The following DHRS7B variants were observed in gnomAD, a reference collection of about 807,000 sequenced individuals.
DHRS7B encodes the protein peroxisomal reductase activating PPAR-gamma.
Under a neutral mutation model 26.4 loss-of-function variants are expected in DHRS7B, and 24 were observed. The observed-to-expected ratio is 0.91, with a 90% confidence interval of 0.66 to 1.28. DHRS7B has a LOEUF of 1.28. Among genes scored for constraint, DHRS7B ranks in the 50% most tolerant of loss-of-function variants. The pLI, the probability that DHRS7B is intolerant of heterozygous loss-of-function variation, is 0.00. For missense variants in DHRS7B, 368 were observed against 419.4 expected, an observed-to-expected ratio of 0.88 and a Z score of 1.07; for synonymous variants, 142 against 166.4, an observed-to-expected ratio of 0.85 and a Z score of 1.13.
chr17:21,180,439 A>G (rs1371571936), intron 3 of DHRS7B, among the ~76,000 whole-genome samples: 1 of 152,162 alleles, frequency 6.6e-6, no homozygotes, highest in East Asian at 1.9e-4. Context: ...TATACATGGT[A>G]TTAGGTAAGA....
At chr17:21,132,489 C>G (rs1488470419) in intron 1 of DHRS7B, among the ~76,000 whole-genome samples, 1 of 144,834 alleles carries the variant, frequency 6.9e-6, no homozygotes, top group Non-Finnish European at 1.5e-5. Context: ...TATGATCACA[C>G]CACTGCACCC....
chr17:21,132,539 AAAAAAAAAAAC>A lies in DHRS7B; in HGVS notation c.20+5561_20+5571del, dbSNP rs1303209744. ...GAGGGAGACCTTGTCTCAAAAAAAA[AAAAAAAAAAAC>A]AAAAAAAAAACAGGGAAGTGAGGTG... is the stretch of plus-strand genomic sequence containing the variant. On this transcript the variant is annotated intron_variant, in intron 1 of 6. Transcript: ENST00000395511. 5.8e-3 allele frequency among the ~76,000 whole-genome samples: 857 copies of A among 148,898 alleles called. 12 individuals carry two copies. The highest frequency in any genetic ancestry group is 0.02 in the African/African-American group (821 of 40,136).
chr17:21,178,341 A>G lies in DHRS7B; in HGVS notation c.308A>G (p.Lys103Arg). 1 of 1,613,402 alleles carries G rather than the reference A, an allele frequency of 6.2e-7. No individual in the cohort carries two copies. Among genetic ancestry groups the G allele is most frequent in the Non-Finnish European group, 8.5e-7 (1 of 1,179,662 alleles). Residue 103 changes from lysine (K) to arginine (R), a missense_variant and splice_region_variant, in exon 3 of 7, where the codon AAG becomes AGG. Lys to Arg is a conservative substitution (Grantham distance 26). Coordinates refer to ENST00000395511, the MANE Select transcript of DHRS7B (RefSeq NM_015510.5). ...IRELTASHAT[K>R]VQTHKPYLVT... The stretch of plus-strand genomic sequence containing the variant: ...GAACTCACCGCTTCTCATGCCACCA[A>G]GGTGAGCCAGGGGCGTGCTTTCCAT...
chr17:21,185,919 C>T (rs1425908792), intron 5 of DHRS7B, among the ~76,000 whole-genome samples: 2 of 152,198 alleles, frequency 1.3e-5, no homozygotes, highest in Non-Finnish European at 2.9e-5. Flanking sequence ...AACTCCTGAC[C>T]TCAAGTGATC....
chr17:21,159,539 G>T (rs1344108574), intron 1 of DHRS7B, among the ~76,000 whole-genome samples: 1 of 151,840 alleles, frequency 6.6e-6, no homozygotes, highest in Non-Finnish European at 1.5e-5. Flanking sequence ...ACAGGCGTGA[G>T]CCACCGCACC....
At chr17:21,154,411 A>G (rs1463346824) in intron 1 of DHRS7B, among the ~76,000 whole-genome samples, 2 of 152,202 alleles carry the variant, frequency 1.3e-5, no homozygotes, top group African/African-American at 4.8e-5. Flanking sequence ...AAAACCCACC[A>G]ACCTGGAATT....
chr17:21,137,022 G>A (rs1265672851), intron 1 of DHRS7B, among the ~76,000 whole-genome samples: 1 of 149,846 alleles, frequency 6.7e-6, no homozygotes, highest in Non-Finnish European at 1.5e-5. Flanking sequence ...CCAGGCTGGA[G>A]TGCGGTGGTG....
chr17:21,181,487 G>T (rs1974513400), intron 3 of DHRS7B, among the ~76,000 whole-genome samples: 1 of 152,152 alleles, frequency 6.6e-6, no homozygotes, highest in Non-Finnish European at 1.5e-5. Context: ...GTCTGGCAGG[G>T]GCCTTCTTGC....
intron 2 of DHRS7B, among the ~76,000 whole-genome samples, chr17:21,175,442 G>A (rs553879280): frequency 4.4e-4 from 67 of 152,302 alleles, no homozygotes; most frequent in Admixed American, 2.0e-4. Context: ...GATGGAATTA[G>A]CCTGCAAAGG....
intron 1 of DHRS7B, among the ~76,000 whole-genome samples, chr17:21,140,126 G>A (rs528947068): frequency 2.7e-5 from 4 of 148,498 alleles, no homozygotes; most frequent in East Asian, 4.0e-4. Context: ...CTGGGTTCAC[G>A]CCATTCTCTT....
In DHRS7B at chr17:21,179,927, C is replaced by T. The variant is rs148525273; in HGVS notation, c.309+1585C>T. ...GATGACTGGCATGCGCCACCACGCC[C>T]GGCTAATTTTGTATTTTTAGTAGAG... On this transcript the variant is annotated intron_variant, in intron 3 of 6. Transcript: ENST00000395511. Among the ~76,000 whole-genome samples, 218 of 149,572 alleles carry T rather than the reference C, an allele frequency of 1.5e-3. 6 individuals carry two copies. In the East Asian group the frequency reaches 0.032, roughly 22 times the overall value.
chr17:21,141,640 A>AAAAGAAAAAAAAAAAAAAG, intron 1 of DHRS7B, among the ~76,000 whole-genome samples: 1 of 90,078 alleles, frequency 1.1e-5, no homozygotes, highest in Non-Finnish European at 2.1e-5. Flanking sequence ...AAAAAAAAAA[A>AAAAGAAAAAAAAAAAAAAG]CAACCTCATC....
At chr17:21,180,604 T>C (rs1450925652) in intron 3 of DHRS7B, among the ~76,000 whole-genome samples, 13 of 152,158 alleles carry the variant, frequency 8.5e-5, no homozygotes, top group Non-Finnish European at 1.6e-4. Context: ...TCAGTTGGTC[T>C]ATATGTCTGT....
intron 1 of DHRS7B, among the ~76,000 whole-genome samples, chr17:21,161,112 A>G (rs1014128810): frequency 1.3e-5 from 2 of 152,216 alleles, no homozygotes; most frequent in East Asian, 3.8e-4. Context: ...TCTGTATGAA[A>G]CTACAATGAT....
chr17:21,138,995 GC>G (rs926111523), intron 1 of DHRS7B, among the ~76,000 whole-genome samples: 5 of 152,100 alleles, frequency 3.3e-5, no homozygotes, highest in African/African-American at 1.2e-4. Context: ...AACCACCATT[GC>G]AAAATTGTAA....
rs1454078926 is a variant in DHRS7B, at chr17:21,188,815, A to G, written c.724A>G (p.Thr242Ala). The G allele has an allele frequency of 1.2e-6, 2 of 1,614,148 alleles. No individual in the cohort carries two copies. Among genetic ancestry groups the G allele is most frequent in the East Asian group, 2.2e-5 (1 of 44,882 alleles). The change falls in exon 6 of 7, where the codon ACC becomes GCC. Residue 242 changes from threonine to alanine, a missense_variant. Coordinates refer to ENST00000395511, the MANE Select transcript of DHRS7B (RefSeq NM_015510.5). ...VTVISPGYIH[T>A]NLSVNAITAD... The stretch of plus-strand genomic sequence containing the variant: ...CGTCATCAGCCCCGGCTACATCCAC[A>G]CCAACCTCTCTGTAAATGCCATCAC...
At chr17:21,140,276 C>T (rs1973465820) in intron 1 of DHRS7B, among the ~76,000 whole-genome samples, 2 of 151,890 alleles carry the variant, frequency 1.3e-5, no homozygotes, top group African/African-American at 4.8e-5. Context: ...CCCGCCTTGG[C>T]CTCCCAAAGT....
Position 21,184,467 on chromosome 17 carries a change from A to G in DHRS7B, c.619+4A>G. The G allele has an allele frequency of 6.2e-7, 1 of 1,611,492 alleles. No individual in the cohort carries two copies. The highest frequency in any genetic ancestry group is 8.5e-7 in the Non-Finnish European group (1 of 1,178,962). ...AGCATTCCTTTTCGATCAGCATGTG[A>G]GTACTTCTCTCTCCCACAAAATGCT... On this transcript the variant is annotated splice_donor_region_variant and intron_variant, in intron 5 of 6. Transcript: ENST00000395511.
chr17:21,160,333 G>A (rs1412115935), intron 1 of DHRS7B, among the ~76,000 whole-genome samples: 1 of 151,818 alleles, frequency 6.6e-6, no homozygotes. Flanking sequence ...CTCTAGCCTG[G>A]GTGACAAAGT....
Sources: allele counts gnomAD v4.1 joint callset (sites outside exome capture counted in the v4.1 genomes callset), GRCh38; gene constraint gnomAD v4.1.1; transcripts MANE v1.5; gene names NCBI Gene and HGNC (gene_info 2026-07-23, HGNC 2026-07-21).